Variants in RELN observed in about 807,000 individuals in gnomAD.
The protein encoded by RELN is reelin.
A neutral mutation model predicts 427.6 loss-of-function variants in RELN; 108 were observed. The ratio of observed to expected loss-of-function variants is 0.25; its 90% CI spans 0.22 to 0.30. The LOEUF (loss-of-function observed/expected upper bound fraction) is 0.30. RELN is among the 10% of genes least tolerant of loss of function. The pLI is 1.00. For missense variants in RELN, 3,715 were observed against 4,302.8 expected (o/e 0.86, Z 3.82); for synonymous variants, 1,524 against 1,513.4 (o/e 1.01, Z -0.16).
intron 16 of RELN, among the ~76,000 whole-genome samples, chr7:103,646,292 T>TA (rs1480734079): frequency 1.3e-5 from 2 of 151,372 alleles, no homozygotes; most frequent in African/African-American, 4.8e-5. Flanking sequence ...CTAAATGAAA[T>TA]AGAGATCAAA....
chr7:103,643,938 A>G (rs1332272604), intron 16 of RELN, among the ~76,000 whole-genome samples: 1 of 151,892 alleles, frequency 6.6e-6, no homozygotes, highest in Non-Finnish European at 1.5e-5. Context: ...GTTGAAAATT[A>G]TTGCCTCTTC....
chr7:103,736,545 C>G (rs1030590841), intron 6 of RELN, among the ~76,000 whole-genome samples: 1 of 152,128 alleles, frequency 6.6e-6, no homozygotes, highest in Non-Finnish European at 1.5e-5. Flanking sequence ...TAAGATAACT[C>G]TTCTTATTTC....
chr7:103,932,609 G>C (rs1351328513), intron 1 of RELN, among the ~76,000 whole-genome samples: 1 of 152,188 alleles, frequency 6.6e-6, no homozygotes, highest in Admixed American at 6.5e-5. Flanking sequence ...ATTCCACCTG[G>C]TGGTGGAAGC....
rs752732754 is a variant in RELN at position 103,682,268 on chromosome 7, G to T, written c.1144-7C>A. ...CATCTGACTGACAGCTATGCTGTAG[G>T]TGAAAAGAGAGCACGGGGTGGCTGT... On this transcript the variant is annotated splice_polypyrimidine_tract_variant and splice_region_variant and intron_variant, in intron 10 of 64. Coordinates refer to ENST00000428762, the MANE Select transcript of RELN (RefSeq NM_005045.4). The T allele has an allele frequency of 3.1e-6, 5 of 1,613,858 alleles. No homozygotes were observed. The highest frequency in any genetic ancestry group is 4.2e-6 in the Non-Finnish European group (5 of 1,179,890).
intron 16 of RELN, 100 bp downstream of exon 16, chr7:103,650,174 G>T: frequency 1.2e-6 from 1 of 801,988 alleles, no homozygotes. Context: ...TGAATTGCAA[G>T]ACCATGACTT....
chr7:103,687,588 A>T (rs1833789699), intron 10 of RELN, among the ~76,000 whole-genome samples: 1 of 152,118 alleles, frequency 6.6e-6, no homozygotes, highest in South Asian at 2.1e-4. Flanking sequence ...TTCATTAACA[A>T]ACCTTACTTT....
chr7:103,769,448 C>G (rs1791510609), intron 4 of RELN, among the ~76,000 whole-genome samples: 1 of 152,186 alleles, frequency 6.6e-6, no homozygotes, highest in African/African-American at 2.4e-5. Flanking sequence ...GACAACCAAA[C>G]CTGCCAGCAC....
At chr7:103,608,998 G>A (rs911153582) in intron 22 of RELN, among the ~76,000 whole-genome samples, 2 of 152,040 alleles carry the variant, frequency 1.3e-5, no homozygotes, top group Non-Finnish European at 2.9e-5. Flanking sequence ...CAAGGTGGGT[G>A]GATCACCTGA....
intron 46 of RELN, among the ~76,000 whole-genome samples, chr7:103,524,333 C>T (rs1380530806): frequency 1.4e-5 from 2 of 147,678 alleles, no homozygotes; most frequent in Admixed American, 6.8e-5. Flanking sequence ...GAAAATTGTA[C>T]AGAGAAAAAA....
intron 5 of RELN, among the ~76,000 whole-genome samples, chr7:103,750,882 T>C (rs1790981755): frequency 6.6e-6 from 1 of 152,204 alleles, no homozygotes; most frequent in Non-Finnish European, 1.5e-5. Flanking sequence ...TGAGGTATAT[T>C]GAATACCTAT....
At chr7:103,912,006 A>T (rs802785) in intron 2 of RELN, among the ~76,000 whole-genome samples, 102,223 of 151,286 alleles carry the variant, frequency 0.68, 35,643 homozygotes, top group Non-Finnish European at 0.78. Context: ...AAGTATAATT[A>T]AAAAAAAAAT....
chr7:103,776,891 G>A (rs1791757014), intron 3 of RELN, among the ~76,000 whole-genome samples: 2 of 152,096 alleles, frequency 1.3e-5, no homozygotes, highest in African/African-American at 4.8e-5. Context: ...TGTGCGTAAA[G>A]CCTATAGAAT....
intron 51 of RELN, among the ~76,000 whole-genome samples, chr7:103,503,893 TAAAAAA>T (rs71154347): frequency 0.046 from 4,472 of 96,620 alleles, 103 homozygotes; most frequent in African/African-American, 0.087. Context: ...AATGTTCTTG[TAAAAAA>T]AAAAAAAAAA....
At chr7:103,828,801 A>G (rs1401136251) in intron 3 of RELN, among the ~76,000 whole-genome samples, 4 of 151,982 alleles carry the variant, frequency 2.6e-5, no homozygotes, top group African/African-American at 9.7e-5. Context: ...ATATTCATAT[A>G]GAGATAGATT....
At chr7:103,777,440 T>C (rs1483138916) in intron 3 of RELN, among the ~76,000 whole-genome samples, 1 of 152,162 alleles carries the variant, frequency 6.6e-6, no homozygotes, top group Non-Finnish European at 1.5e-5. Flanking sequence ...CTTTTTTTAA[T>C]AACAAAAAAA....
intron 60 of RELN, among the ~76,000 whole-genome samples, chr7:103,487,412 AG>A (rs71110837): frequency 0.015 from 2,242 of 150,186 alleles, 76 homozygotes; most frequent in African/African-American, 0.052. Context: ...AAAAAAAAAA[AG>A]AGAAATATAA....
chr7:103,817,489 A>T (rs1792902548), intron 3 of RELN, among the ~76,000 whole-genome samples: 1 of 152,228 alleles, frequency 6.6e-6, no homozygotes, highest in Admixed American at 6.5e-5. Flanking sequence ...GGTGAAAAGG[A>T]CTTTAAAGGC....
intron 3 of RELN, among the ~76,000 whole-genome samples, chr7:103,799,721 G>C (rs796603616): frequency 2.0e-5 from 3 of 152,226 alleles, no homozygotes; most frequent in African/African-American, 7.2e-5. Flanking sequence ...CATGGCATTT[G>C]TCACAGTTAT....
intron 27 of RELN, among the ~76,000 whole-genome samples, chr7:103,593,472 C>A (rs1255487787): frequency 6.6e-6 from 1 of 152,090 alleles, no homozygotes; most frequent in Non-Finnish European, 1.5e-5. Context: ...AAATGGTATA[C>A]CCACAACTTT....
Sources: allele counts gnomAD v4.1 joint callset (sites outside exome capture counted in the v4.1 genomes callset), GRCh38; gene constraint gnomAD v4.1.1; transcripts MANE v1.5; gene names NCBI Gene and HGNC (gene_info 2026-07-23, HGNC 2026-07-21).